Variants in MYO6 observed in about 807,000 individuals in gnomAD.
The protein encoded by MYO6 is myosin VI.
In MYO6, 74 loss-of-function variants were observed where a neutral mutation model predicts 178.7. That is an observed-to-expected ratio of 0.41 (90% CI 0.34 to 0.50). The LOEUF is 0.50. Among genes scored for constraint, MYO6 ranks in the 20% least tolerant of loss-of-function variants. The probability of loss-of-function intolerance (pLI) is 0.09; values close to 1 mark genes in which losing one functional copy is unlikely to be tolerated. For synonymous variants in MYO6, 477 were observed against 504.6 expected (o/e 0.95, Z 0.73); for missense variants, 1,330 against 1,547.4 (o/e 0.86, Z 2.36).
intron 1 of MYO6, among the ~76,000 whole-genome samples, chr6:75,760,626 A>G (rs1009373330): frequency 6.6e-6 from 1 of 152,122 alleles, no homozygotes; most frequent in Admixed American, 6.5e-5. Flanking sequence ...TAAAAAAAAA[A>G]CAAATATGTT....
chr6:75,817,737 C>A, intron 2 of MYO6, 73 bp downstream of exon 2: 1 of 1,290,934 alleles, frequency 7.7e-7, no homozygotes, highest in South Asian at 1.2e-5. Flanking sequence ...AGAGTAAGGT[C>A]TGTCTTCTTA....
At chr6:75,802,979 T>TA (rs1362793234) in intron 1 of MYO6, among the ~76,000 whole-genome samples, 4 of 152,318 alleles carry the variant, frequency 2.6e-5, no homozygotes, top group African/African-American at 9.6e-5. Context: ...TTTAGTCTCT[T>TA]AAAAATACAG....
chr6:75,857,261 A>G lies in MYO6; in HGVS notation c.1381+7A>G, dbSNP rs1775797370. 3 of 1,612,210 alleles carry G rather than the reference A, an allele frequency of 1.9e-6. No homozygotes were observed. The highest frequency in any genetic ancestry group is 2.5e-6 in the Non-Finnish European group (3 of 1,178,486). On this transcript the variant is annotated splice_region_variant and intron_variant, in intron 13 of 34. Coordinates refer to ENST00000369977, the MANE Select transcript of MYO6 (RefSeq NM_004999.4). ...CTAGATATTGCTGGTTTTGGTAAGTAGAGTTTCTTTTGTGAGTATATATTT... is the reference window on the plus strand; with the variant it reads ...CTAGATATTGCTGGTTTTGGTAAGTGGAGTTTCTTTTGTGAGTATATATTT...
chr6:75,808,526 G>A (rs188198436), intron 1 of MYO6, among the ~76,000 whole-genome samples: 1 of 152,232 alleles, frequency 6.6e-6, no homozygotes, highest in East Asian at 1.9e-4. Flanking sequence ...ATGAATTTGG[G>A]GGGAACAAAA....
chr6:75,853,764 T>A (rs1418184839), intron 11 of MYO6, among the ~76,000 whole-genome samples: 1 of 152,206 alleles, frequency 6.6e-6, no homozygotes, highest in African/African-American at 2.4e-5. Flanking sequence ...TTAGAATATA[T>A]CGTTTATTAA....
rs532595073 is a variant in MYO6 at position 75,766,372 on chromosome 6, A to ATG, written c.-48+16961_-48+16962dup. 4.1e-4 allele frequency among the ~76,000 whole-genome samples: 63 copies of ATG among 151,916 alleles called. 1 individual carries two copies. The highest frequency in any genetic ancestry group is 6.8e-3 in the Middle Eastern group (2 of 292). On this transcript the variant is annotated intron_variant, in intron 1 of 34. Transcript: ENST00000369977. ...CTAGTAGACAGTGTAACCTACACAT[A>ATG]TGTGTGTGTGTGTATATTTTATATA...
intron 5 of MYO6, 52 bp downstream of exon 5, chr6:75,830,597 A>G: frequency 2.0e-6 from 3 of 1,534,790 alleles, no homozygotes; most frequent in Non-Finnish European, 2.7e-6. Context: ...TATTGTACAA[A>G]TTTACTCAAT....
intron 4 of MYO6, among the ~76,000 whole-genome samples, chr6:75,829,574 C>T (rs149075956): frequency 1.7e-3 from 254 of 152,210 alleles, no homozygotes; most frequent in African/African-American, 6.0e-3. Context: ...CTTATTTATT[C>T]TATTCCAAAA....
intron 10 of MYO6, among the ~76,000 whole-genome samples, chr6:75,845,394 G>C (rs919099275): frequency 2.0e-5 from 3 of 152,068 alleles, no homozygotes; most frequent in Non-Finnish European, 2.9e-5. Context: ...AAGCGTTCTT[G>C]GGAAGAAATG....
At chr6:75,762,389 G>A (rs1337142333) in intron 1 of MYO6, among the ~76,000 whole-genome samples, 4 of 152,202 alleles carry the variant, frequency 2.6e-5, no homozygotes, top group Non-Finnish European at 5.9e-5. Flanking sequence ...AGTAACTTGA[G>A]AAGGTGATAG....
chr6:75,775,438 G>A (rs201236202), intron 1 of MYO6, among the ~76,000 whole-genome samples: 1 of 152,182 alleles, frequency 6.6e-6, no homozygotes, highest in African/African-American at 2.4e-5. Flanking sequence ...AGATGCATTG[G>A]CAACTGTCCA....
intron 2 of MYO6, 74 bp from the exon 3 acceptor site, chr6:75,822,708 A>C: frequency 8.7e-7 from 1 of 1,153,718 alleles, no homozygotes. Flanking sequence ...CAGTGTATGC[A>C]ACCAATTAAG....
rs1304981195 is a variant in MYO6 at position 75,918,914 on chromosome 6, T to TCC, written c.*3903_*3904insCC. ...GCGGGTGGATCACGAGGTCAAGACT[T>TCC]CGAGACCAGCCTGGCCAACATGGTG... On this transcript the variant is annotated 3_prime_UTR_variant, in exon 35 of 35. Coordinates refer to ENST00000369977, the MANE Select transcript of MYO6 (RefSeq NM_004999.4). The TCC allele has an allele frequency of 6.6e-6, 1 of 152,310 alleles. No homozygotes were observed. Among genetic ancestry groups the TCC allele is most frequent in the South Asian group, 2.1e-4 (1 of 4,824 alleles). The allele number at this position is 152,310 out of a possible 1,614,324, so 9.4% of individuals were successfully genotyped here.
intron 7 of MYO6, among the ~76,000 whole-genome samples, chr6:75,836,172 A>G (rs75074185): frequency 4.6e-5 from 7 of 152,202 alleles, no homozygotes; most frequent in African/African-American, 1.4e-4. Flanking sequence ...TTTTTGTTTC[A>G]TATTCCAAAC....
chr6:75,821,344 T>G (rs186531459), intron 2 of MYO6, among the ~76,000 whole-genome samples: 58 of 152,314 alleles, frequency 3.8e-4, no homozygotes, highest in Non-Finnish European at 7.3e-4. Flanking sequence ...TATATGACAT[T>G]AGCAGTTATT....
At chr6:75,910,023 C>T (rs1582004429) in intron 32 of MYO6, among the ~76,000 whole-genome samples, 1 of 152,226 alleles carries the variant, frequency 6.6e-6, no homozygotes, top group Non-Finnish European at 1.5e-5. Flanking sequence ...AGTCAGAATA[C>T]AGGACTATGC....
intron 23 of MYO6, 96 bp from the exon 24 acceptor site, chr6:75,885,904 CATGT>C (rs1336681932): frequency 1.5e-5 from 11 of 731,002 alleles, no homozygotes; most frequent in Middle Eastern, 3.8e-4. Context: ...GTCAAGATTT[CATGT>C]TTCTTGAGCA....
intron 1 of MYO6, among the ~76,000 whole-genome samples, chr6:75,757,410 CAT>C (rs1441178337): frequency 8.7e-5 from 13 of 149,744 alleles, no homozygotes; most frequent in African/African-American, 2.2e-4. Context: ...CACACACACA[CAT>C]AGAGACAGAC....
chr6:75,855,367 C>G, intron 12 of MYO6, 84 bp downstream of exon 12: 1 of 1,402,376 alleles, frequency 7.1e-7, no homozygotes, highest in Non-Finnish European at 9.9e-7. Flanking sequence ...TGTTTAAAAC[C>G]TGAGCTTGGT....
Sources: allele counts gnomAD v4.1 joint callset (sites outside exome capture counted in the v4.1 genomes callset), GRCh38; gene constraint gnomAD v4.1.1; transcripts MANE v1.5; gene names NCBI Gene and HGNC (gene_info 2026-07-23, HGNC 2026-07-21).